The following IDS variants were observed in gnomAD, a reference collection of about 807,000 sequenced individuals.
The protein encoded by IDS is iduronate 2-sulfatase.
A neutral mutation model predicts 33.5 loss-of-function variants in IDS; 1 was observed. The ratio of observed to expected loss-of-function variants is 0.03; its 90% CI spans 0.01 to 0.14. The LOEUF is 0.14. Among genes scored for constraint, IDS ranks in the 10% least tolerant of loss-of-function variants. The pLI is 1.00. For synonymous variants in IDS, 191 were observed against 184.4 expected (o/e 1.04, Z -0.29); for missense variants, 328 against 448.0 (o/e 0.73, Z 2.42).
chrX:149,496,962 A>T (rs1434670065), intron 5 of IDS, among the ~76,000 whole-genome samples: 1 of 112,288 alleles, frequency 8.9e-6, no homozygotes, highest in Non-Finnish European at 1.9e-5. Context: ...AAGGCACATG[A>T]GGCAAAGTCT....
chrX:149,489,368 G>A (rs958903945), intron 7 of IDS, among the ~76,000 whole-genome samples: 1 of 112,186 alleles, frequency 8.9e-6, no homozygotes, highest in Non-Finnish European at 1.9e-5. Context: ...ACATACACAT[G>A]TATAACATAT....
chrX:149,482,529 A>T lies in IDS; in HGVS notation c.*217T>A, dbSNP rs1292421279. 8.4e-6 allele frequency: 4 copies of T among 477,735 alleles called. No homozygotes were observed. The highest frequency in any genetic ancestry group is 1.0e-5 in the Non-Finnish European group (3 of 295,570). 39.4% of individuals were successfully genotyped at this position (477,735 alleles called of 1,213,427 possible). On this transcript the variant is annotated 3_prime_UTR_variant, in exon 9 of 9. Transcript: ENST00000340855. Reference sequence around the variant, plus strand: ...TTTAAAAAGAGGGAAATTAAAAAAAAAACTGGTCCAATTACCAATTATAAA... The same window carrying T: ...TTTAAAAAGAGGGAAATTAAAAAAATAACTGGTCCAATTACCAATTATAAA...
rs782021444 is a variant in IDS at position 149,493,880 on chromosome X, C to T, written c.879+2466G>A. ...GATGCGTACCCACATCCACCCTGTCCGATCCCCTACCTCTGGCTGTCCACC... is the reference window on the plus strand; with the variant it reads ...GATGCGTACCCACATCCACCCTGTCTGATCCCCTACCTCTGGCTGTCCACC... On this transcript the variant is annotated intron_variant, in intron 6 of 8. Coordinates refer to ENST00000340855, the MANE Select transcript of IDS (RefSeq NM_000202.8). Among the ~76,000 whole-genome samples the T allele has an allele frequency of 2.1e-3, 236 of 111,543 alleles. 1 individual carries two copies. Among genetic ancestry groups the T allele is most frequent in the Non-Finnish European group, 2.7e-3 (141 of 53,057 alleles).
chrX:149,500,373 A>G (rs1480760250), intron 4 of IDS, among the ~76,000 whole-genome samples: 1 of 112,383 alleles, frequency 8.9e-6, no homozygotes, highest in African/African-American at 3.2e-5. Context: ...CTAAAACCTC[A>G]GAGATACATT....
intron 5 of IDS, 97 bp downstream of exon 5, chrX:149,498,010 T>C: frequency 1.3e-6 from 1 of 744,364 alleles, no homozygotes; most frequent in South Asian, 2.3e-5. Flanking sequence ...TGCCTGGCGA[T>C]GGCAGGATGT....
At chrX:149,496,779 C>A (rs922843521) in intron 5 of IDS, among the ~76,000 whole-genome samples, 1 of 112,129 alleles carries the variant, frequency 8.9e-6, no homozygotes, top group Non-Finnish European at 1.9e-5. Context: ...TACAAACAGA[C>A]GCCCTTCTGT....
chrX:149,491,448 C>T (rs1433896612), intron 6 of IDS: 17 of 638,564 alleles, frequency 2.7e-5, no homozygotes, highest in South Asian at 2.3e-4. Context: ...AGAAGAGAGC[C>T]GTGTCTTCGC....
chrX:149,484,263 C>T (rs921957496), intron 8 of IDS, among the ~76,000 whole-genome samples: 6 of 112,637 alleles, frequency 5.3e-5, no homozygotes, highest in African/African-American at 9.7e-5. Flanking sequence ...ACATTCTTAC[C>T]AGCAATGCAC....
At chrX:149,497,239 A>T (rs2124043814) in intron 5 of IDS, among the ~76,000 whole-genome samples, 1 of 112,343 alleles carries the variant, frequency 8.9e-6, no homozygotes, top group South Asian at 3.6e-4. Flanking sequence ...CGGTTTAAGC[A>T]TAGTAAGCCA....
intron 3 of IDS, among the ~76,000 whole-genome samples, chrX:149,501,383 G>A (rs1159294934): frequency 8.9e-6 from 1 of 112,039 alleles, no homozygotes; most frequent in African/African-American, 3.2e-5. Flanking sequence ...ATGGGGGCAG[G>A]AGAGGGAGGC....
At position 149,504,242 on chromosome X, in the gene IDS, C is replaced by T; in HGVS notation, c.155G>A (p.Gly52Asp). The T allele has an allele frequency of 8.3e-7, 1 of 1,208,300 alleles. No homozygotes were observed. Among genetic ancestry groups the T allele is most frequent in the Non-Finnish European group, 1.1e-6 (1 of 893,006 alleles). Residue 52 changes from glycine to aspartate, a missense_variant, in exon 2 of 9, where the codon GGC becomes GAC. By Grantham distance (94) the Gly-to-Asp change is moderately conservative. This residue lies in a region of IDS where 15 missense variants were observed against 31.3 expected (regional missense o/e 0.48). Transcript: ENST00000340855. ...IIVDDLRPSL[G>D]CYGDKLVRSP... The stretch of plus-strand genomic sequence containing the variant: ...CCTCACCAGCTTATCCCCATAACAG[C>T]CCAGGGAGGGGCGCAGGTCATCCAC...
intron 7 of IDS, among the ~76,000 whole-genome samples, chrX:149,489,230 T>C (rs2089368428): frequency 8.9e-6 from 1 of 112,570 alleles, no homozygotes; most frequent in African/African-American, 3.2e-5. Flanking sequence ...TACAGACATT[T>C]CTAAGGGAAA....
chrX:149,504,421 C>T (rs1352596819), intron 1 of IDS, 128 bp from the exon 2 acceptor site: 3 of 719,892 alleles, frequency 4.2e-6, no homozygotes, highest in Non-Finnish European at 6.2e-6. Context: ...CCAGGGAGGG[C>T]GCTGTGCCTC....
intron 8 of IDS, among the ~76,000 whole-genome samples, chrX:149,486,340 G>C (rs2089335072): frequency 8.9e-6 from 1 of 111,829 alleles, no homozygotes; most frequent in African/African-American, 3.3e-5. Context: ...TTGGTGGATG[G>C]ACAGGGTCGG....
At position 149,481,487 on chromosome X, in the gene IDS, T is replaced by C. The variant is rs1253641576; in HGVS notation, c.*1259A>G. 1 of 112,575 alleles carries C rather than the reference T, an allele frequency of 8.9e-6. No homozygotes were observed. The highest frequency in any genetic ancestry group is 3.2e-5 in the African/African-American group (1 of 30,973). 9.3% of individuals were successfully genotyped at this position (112,575 alleles called of 1,213,427 possible). ...TATTTACCTGGAAACACTGGAGACT[T>C]TGTAAAGAGAAAATTACTAAAAATT... On this transcript the variant is annotated 3_prime_UTR_variant, in exon 9 of 9. Coordinates refer to ENST00000340855, the MANE Select transcript of IDS (RefSeq NM_000202.8).
chrX:149,504,685 G>T (rs1343507140), intron 1 of IDS, among the ~76,000 whole-genome samples: 2 of 107,064 alleles, frequency 1.9e-5, no homozygotes, highest in East Asian at 5.9e-4. Context: ...AGAAGAGAGA[G>T]AAATATGAAT....
Position 149,478,429 on chromosome X carries a change from T to C in IDS, c.*4317A>G, listed in dbSNP as rs1557337080. The C allele has an allele frequency of 8.9e-6, 1 of 111,965 alleles. No homozygotes were observed. The highest frequency in any genetic ancestry group is 3.3e-5 in the African/African-American group (1 of 30,748). 9.2% of individuals were successfully genotyped at this position (111,965 alleles called of 1,213,427 possible). A position where few individuals can be genotyped will look rare whatever the true frequency, so the allele number is the denominator to read the frequency against. The stretch of plus-strand genomic sequence containing the variant: ...TACATTTCAGTCCAAAAAAAAAAAT[T>C]AATGAAGCAGGGCTGTGCAGCCATT... On this transcript the variant is annotated 3_prime_UTR_variant, in exon 9 of 9. Coordinates refer to ENST00000340855, the MANE Select transcript of IDS (RefSeq NM_000202.8).
At chrX:149,497,414 G>A (rs1338284826) in intron 5 of IDS, among the ~76,000 whole-genome samples, 2 of 111,714 alleles carry the variant, frequency 1.8e-5, no homozygotes, top group African/African-American at 6.5e-5. Flanking sequence ...TTCTATCAAG[G>A]GGGCTGACAG....
chrX:149,494,331 T>C (rs2089418364), intron 6 of IDS, among the ~76,000 whole-genome samples: 1 of 111,090 alleles, frequency 9.0e-6, no homozygotes, highest in South Asian at 3.8e-4. Context: ...AAGGGGGAGA[T>C]AGAAATCCAT....
Sources: allele counts gnomAD v4.1 joint callset (sites outside exome capture counted in the v4.1 genomes callset), GRCh38; gene constraint gnomAD v4.1.1; regional missense constraint gnomAD v4.1.1; transcripts MANE v1.5; gene names NCBI Gene and HGNC (gene_info 2026-07-23, HGNC 2026-07-21).